Variants in DGKI observed in about 807,000 individuals in gnomAD.
DGKI encodes the protein diacylglycerol kinase iota, also known as DAG kinase iota.
In DGKI, 55 loss-of-function variants were observed where a neutral mutation model predicts 147.5. That is an observed-to-expected ratio of 0.37 (90% CI 0.30 to 0.47). The LOEUF (loss-of-function observed/expected upper bound fraction) is 0.47. Among genes scored for constraint, DGKI ranks in the 20% least tolerant of loss-of-function variants. The pLI is 1.00. For missense variants in DGKI, 1,007 were observed against 1,323.8 expected, an observed-to-expected ratio of 0.76 and a Z score of 3.71; for synonymous variants, 469 against 477.1, an observed-to-expected ratio of 0.98 and a Z score of 0.22.
At position 137,552,551 on chromosome 7, in the gene DGKI, C is replaced by G. The variant is rs771009257; in HGVS notation, c.1965G>C (p.Gly655=). 9.3e-6 allele frequency: 15 copies of G among 1,613,906 alleles called. No individual in the cohort carries two copies. Among genetic ancestry groups the G allele is most frequent in the Admixed American group, 5.0e-5 (3 of 59,988 alleles). ...ACTGGTGTAGCCTCTCTCCATGGCC[C>G]CCAACTTGCAGGGCTGCCTATAAAA... ...TMASLAALQV[G]GHGERLHQCR... is the part of the protein sequence containing the mutation. Residue 655 remains glycine, a synonymous_variant, in exon 20 of 33, where the codon GGG becomes GGC. Transcript: ENST00000614521.
intron 8 of DGKI, among the ~76,000 whole-genome samples, chr7:137,613,675 A>G (rs1005259780): frequency 6.6e-6 from 1 of 152,184 alleles, no homozygotes; most frequent in East Asian, 1.9e-4. Flanking sequence ...GTTTATAAGT[A>G]GAACATTAGA....
At chr7:137,539,964 T>C (rs1817634266) in intron 20 of DGKI, among the ~76,000 whole-genome samples, 1 of 152,200 alleles carries the variant, frequency 6.6e-6, no homozygotes, top group Non-Finnish European at 1.5e-5. Flanking sequence ...CAACTCTACA[T>C]ACATTAGTTA....
At chr7:137,527,727 CTTTTA>C in intron 20 of DGKI, among the ~76,000 whole-genome samples, 1 of 150,712 alleles carries the variant, frequency 6.6e-6, no homozygotes, top group South Asian at 2.2e-4. Context: ...AGTTGTTTTT[CTTTTA>C]TGAGACAGAA....
chr7:137,603,687 T>C (rs1017113179), intron 10 of DGKI, among the ~76,000 whole-genome samples: 1 of 152,158 alleles, frequency 6.6e-6, no homozygotes, highest in Non-Finnish European at 1.5e-5. Flanking sequence ...TAGAAGGCGT[T>C]GTAAGTAAAA....
chr7:137,446,305 G>A lies in DGKI; in HGVS notation c.2736-2203C>T, dbSNP rs558001120. 4.6e-5 allele frequency among the ~76,000 whole-genome samples: 7 copies of A among 152,318 alleles called. No individual in the cohort carries two copies. The East Asian group carries it at 1.3e-3, about 29-fold the overall frequency. On this transcript the variant is annotated intron_variant, in intron 27 of 32. Coordinates refer to ENST00000614521, the MANE Select transcript of DGKI (RefSeq NM_001321708.2). ...AAATATCAATTTCAGAGTGTTTTGT[G>A]AAAATTAGTCATGTTGAGTTTCCAT...
intron 1 of DGKI, among the ~76,000 whole-genome samples, chr7:137,747,169 C>T (rs2116736480): frequency 6.6e-6 from 1 of 152,134 alleles, no homozygotes; most frequent in African/African-American, 2.4e-5. Flanking sequence ...ATTGAAGTTA[C>T]TATTATTCAC....
At chr7:137,531,404 C>G (rs149888960) in intron 20 of DGKI, among the ~76,000 whole-genome samples, 1 of 152,216 alleles carries the variant, frequency 6.6e-6, no homozygotes, top group African/African-American at 2.4e-5. Context: ...ACTTTTAATA[C>G]CATAGCCTGC....
At chr7:137,737,204 C>CAAAAAAA (rs763572711) in intron 1 of DGKI, among the ~76,000 whole-genome samples, 2 of 83,492 alleles carry the variant, frequency 2.4e-5, no homozygotes, top group Non-Finnish European at 5.2e-5. Context: ...CTCATTTCAC[C>CAAAAAAA]AAAAAAAAAA....
chr7:137,584,678 G>A (rs1040159421), intron 14 of DGKI, among the ~76,000 whole-genome samples: 2 of 152,098 alleles, frequency 1.3e-5, no homozygotes, highest in Non-Finnish European at 2.9e-5. Context: ...TTGCACATAT[G>A]CAGTTTGAAT....
intron 17 of DGKI, among the ~76,000 whole-genome samples, chr7:137,576,330 G>A (rs552691510): frequency 3.9e-5 from 6 of 152,022 alleles, no homozygotes; most frequent in African/African-American, 1.2e-4. Context: ...GAGCCACCGC[G>A]CCTGGCCCAT....
intron 1 of DGKI, among the ~76,000 whole-genome samples, chr7:137,844,406 A>G (rs376814332): frequency 4.6e-5 from 7 of 152,158 alleles, no homozygotes; most frequent in East Asian, 1.9e-4. Flanking sequence ...CAATCCCCAT[A>G]TATTAGTCTG....
At chr7:137,448,298 C>T (rs1396386245) in intron 27 of DGKI, among the ~76,000 whole-genome samples, 1 of 43,132 alleles carries the variant, frequency 2.3e-5, no homozygotes, top group African/African-American at 5.8e-5. Flanking sequence ...AAACTAGAAG[C>T]TCAAAAAAAA....
chr7:137,627,715 A>T lies in DGKI; in HGVS notation c.805-4161T>A, dbSNP rs557610970. On this transcript the variant is annotated intron_variant, in intron 6 of 32. Coordinates refer to ENST00000614521, the MANE Select transcript of DGKI (RefSeq NM_001321708.2). ...GAGGTCTGCTAAATGTTACAGTTTT[A>T]AATGTATCATTATTAAGTCTTAAAT... 2.2e-3 allele frequency among the ~76,000 whole-genome samples: 342 copies of T among 152,332 alleles called. 3 individuals carry two copies. The highest frequency in any genetic ancestry group is 7.9e-3 in the African/African-American group (328 of 41,574).
intron 1 of DGKI, among the ~76,000 whole-genome samples, chr7:137,699,377 C>T (rs1184712343): frequency 2.0e-5 from 3 of 152,234 alleles, no homozygotes; most frequent in Admixed American, 2.0e-4. Flanking sequence ...CAGTCTAATG[C>T]TCAATTGGAA....
In DGKI at chr7:137,386,243, G is replaced by C. The variant is rs1811173311; in HGVS notation, c.*4977C>G. 1 of 152,004 alleles carries C rather than the reference G, an allele frequency of 6.6e-6. No homozygotes were observed. Among genetic ancestry groups the C allele is most frequent in the South Asian group, 2.1e-4 (1 of 4,826 alleles). The allele number at this position is 152,004 out of a possible 1,614,324, so 9.4% of individuals were successfully genotyped here. ...TGTCCAAGGGCATGACTCTTTTCTTGGTTCTTATTTTCAGGTTTCTCATTA... is the reference window on the plus strand; with the variant it reads ...TGTCCAAGGGCATGACTCTTTTCTTCGTTCTTATTTTCAGGTTTCTCATTA... On this transcript the variant is annotated 3_prime_UTR_variant, in exon 33 of 33. Transcript: ENST00000614521.
intron 3 of DGKI, among the ~76,000 whole-genome samples, chr7:137,667,548 C>T (rs1297137418): frequency 6.6e-6 from 1 of 152,096 alleles, no homozygotes; most frequent in Non-Finnish European, 1.5e-5. Flanking sequence ...TGAATCCTGA[C>T]ATGTTTCCAT....
chr7:137,420,447 G>A (rs1035624656), intron 28 of DGKI, among the ~76,000 whole-genome samples: 1 of 152,164 alleles, frequency 6.6e-6, no homozygotes, highest in African/African-American at 2.4e-5. Flanking sequence ...TTGAGTCGGA[G>A]GGCTGGTGTT....
At chr7:137,536,778 C>T (rs564612017) in intron 20 of DGKI, among the ~76,000 whole-genome samples, 8 of 152,210 alleles carry the variant, frequency 5.3e-5, no homozygotes, top group South Asian at 2.1e-4. Context: ...AGGAGGAAGA[C>T]GCTCTGGCTA....
chr7:137,809,131 T>C (rs979069574), intron 1 of DGKI, among the ~76,000 whole-genome samples: 2 of 152,176 alleles, frequency 1.3e-5, no homozygotes, highest in Admixed American at 6.5e-5. Flanking sequence ...GCTCAGACTT[T>C]AGGGCTTTAT....
Sources: gnomAD v4.1 joint callset for allele counts (sites outside exome capture counted in the v4.1 genomes callset) on GRCh38, gnomAD v4.1.1 for gene constraint, MANE v1.5 for transcripts, NCBI Gene and HGNC (gene_info 2026-07-23, HGNC 2026-07-21) for gene names.